GPC5: variants seen among roughly 807,000 people sequenced by gnomAD.
GPC5 encodes glypican-5.
A neutral mutation model predicts 53.9 loss-of-function variants in GPC5; 47 were observed. That is an observed-to-expected ratio of 0.87 (90% CI 0.69 to 1.11). The LOEUF (loss-of-function observed/expected upper bound fraction) is 1.11. Ranked by LOEUF, GPC5 falls within the 50% of genes most tolerant of loss-of-function variation. The pLI is 0.00. For missense variants in GPC5, 748 were observed against 713.1 expected, an observed-to-expected ratio of 1.05 and a Z score of -0.56; for synonymous variants, 286 against 263.3, an observed-to-expected ratio of 1.09 and a Z score of -0.84.
At chr13:91,865,758 A>G (rs576424168) in intron 5 of GPC5, among the ~76,000 whole-genome samples, 6 of 150,124 alleles carry the variant, frequency 4.0e-5, no homozygotes, top group Non-Finnish European at 8.9e-5. Context: ...CTCTCTTCCC[A>G]TTTTTCTTTT....
chr13:92,780,712 T>C (rs1217818579), intron 7 of GPC5, among the ~76,000 whole-genome samples: 1 of 152,076 alleles, frequency 6.6e-6, no homozygotes, highest in Non-Finnish European at 1.5e-5. Flanking sequence ...TATGATTGTC[T>C]TTAAATAACA....
chr13:92,463,569 C>T (rs1353984255), intron 7 of GPC5, among the ~76,000 whole-genome samples: 2 of 151,566 alleles, frequency 1.3e-5, no homozygotes, highest in African/African-American at 4.9e-5. Flanking sequence ...GATCTTTAAA[C>T]TATTTTTGCA....
chr13:91,831,031 C>T (rs1451471882), intron 5 of GPC5, among the ~76,000 whole-genome samples: 2 of 131,944 alleles, frequency 1.5e-5, no homozygotes, highest in Admixed American at 8.4e-5. Flanking sequence ...CATATATATC[C>T]TATTATATAT....
At chr13:91,799,560 A>G (rs1214615407) in intron 5 of GPC5, among the ~76,000 whole-genome samples, 3 of 128,598 alleles carry the variant, frequency 2.3e-5, no homozygotes, top group Non-Finnish European at 4.8e-5. Context: ...TTCTTTGTTT[A>G]TGTCTCTTCC....
At chr13:92,094,520 CAAAAAAAAAAAAAAAA>C (rs71200562) in intron 6 of GPC5, among the ~76,000 whole-genome samples, 1 of 68,224 alleles carries the variant, frequency 1.5e-5, no homozygotes, top group Non-Finnish European at 2.6e-5. Context: ...GACTCCGTCT[CAAAAAAAAAAAAAAAA>C]AAAAAAAAAT....
chr13:92,288,977 T>G (rs559185258), intron 7 of GPC5, among the ~76,000 whole-genome samples: 4 of 152,066 alleles, frequency 2.6e-5, no homozygotes, highest in Admixed American at 2.6e-4. Flanking sequence ...CATTTTTCTG[T>G]ATAGGTTTGT....
At chr13:92,041,024 G>C (rs1215908286) in intron 6 of GPC5, among the ~76,000 whole-genome samples, 3 of 151,714 alleles carry the variant, frequency 2.0e-5, no homozygotes, top group Admixed American at 1.3e-4. Context: ...ATAATTTTTT[G>C]TATTTTTAGG....
Position 92,481,476 on chromosome 13 carries a change from G to A in GPC5, c.1561+336487G>A, listed in dbSNP as rs138913592. ...ATGGGAAACTAACAAACATGTATGC[G>A]CAAAAAGGGGAAAAGAGTTGGGCCA... On this transcript the variant is annotated intron_variant, in intron 7 of 7. Coordinates refer to ENST00000377067, the MANE Select transcript of GPC5 (RefSeq NM_004466.6). Among the ~76,000 whole-genome samples, 1,159 of 152,174 alleles carry A rather than the reference G, an allele frequency of 7.6e-3. 11 individuals are homozygous for A. The highest frequency in any genetic ancestry group is 0.024 in the Middle Eastern group (7 of 294).
chr13:91,822,859 G>A (rs535906332), intron 5 of GPC5, among the ~76,000 whole-genome samples: 1 of 152,206 alleles, frequency 6.6e-6, no homozygotes, highest in South Asian at 2.1e-4. Flanking sequence ...TCTAAGTCTA[G>A]GTAGCTCTCT....
Position 91,659,758 on chromosome 13 carries a change from C to T in GPC5, c.326-33429C>T, listed in dbSNP as rs9523393. On this transcript the variant is annotated intron_variant, in intron 2 of 7. Transcript: ENST00000377067. ...ATTACCACCTGTCCCCCACCGCCTC[C>T]ACCATGATCGCCACCTCCTGGTATT... Among the ~76,000 whole-genome samples the T allele has an allele frequency of 4.7e-3, 720 of 152,318 alleles. 8 individuals carry two copies. The highest frequency in any genetic ancestry group is 0.01 in the Middle Eastern group (3 of 294).
chr13:91,418,712 A>T (rs1389207980), intron 1 of GPC5, among the ~76,000 whole-genome samples: 3 of 152,160 alleles, frequency 2.0e-5, no homozygotes, highest in Non-Finnish European at 4.4e-5. Flanking sequence ...CTTTTAGCAG[A>T]AGTGCCACAA....
intron 7 of GPC5, among the ~76,000 whole-genome samples, chr13:92,512,205 T>C (rs904505388): frequency 8.6e-5 from 13 of 151,678 alleles, no homozygotes; most frequent in African/African-American, 3.1e-4. Flanking sequence ...TGATTGATCC[T>C]AGTAATTTTT....
chr13:91,765,776 T>C (rs1351458799), intron 5 of GPC5, among the ~76,000 whole-genome samples: 1 of 152,240 alleles, frequency 6.6e-6, no homozygotes, highest in East Asian at 1.9e-4. Context: ...ATATGTGATA[T>C]GAGTTTTCAT....
chr13:91,847,657 G>A (rs1310536937), intron 5 of GPC5, among the ~76,000 whole-genome samples: 6 of 152,146 alleles, frequency 3.9e-5, no homozygotes, highest in Admixed American at 3.9e-4. Context: ...GTTAAAATAT[G>A]TATTTAGTAA....
intron 6 of GPC5, among the ~76,000 whole-genome samples, chr13:92,086,816 G>T (rs1323694587): frequency 1.3e-5 from 2 of 152,020 alleles, no homozygotes; most frequent in Non-Finnish European, 2.9e-5. Flanking sequence ...CTGCCAACAT[G>T]CCTGGCTAAT....
intron 2 of GPC5, among the ~76,000 whole-genome samples, chr13:91,510,926 A>G (rs1056258540): frequency 6.6e-6 from 1 of 152,014 alleles, no homozygotes; most frequent in African/African-American, 2.4e-5. Context: ...TTCATTGTGT[A>G]TTATATTTTG....
intron 7 of GPC5, among the ~76,000 whole-genome samples, chr13:92,532,433 A>G (rs1213566373): frequency 6.6e-6 from 1 of 152,220 alleles, no homozygotes; most frequent in African/African-American, 2.4e-5. Flanking sequence ...TCAATGAAAG[A>G]CAAAAGATGA....
intron 7 of GPC5, among the ~76,000 whole-genome samples, chr13:92,419,997 C>A (rs1876490126): frequency 6.6e-6 from 1 of 152,126 alleles, no homozygotes; most frequent in African/African-American, 2.4e-5. Flanking sequence ...TTTGACCTCT[C>A]CACCTAGTTC....
At chr13:91,719,654 A>G (rs2036421882) in intron 3 of GPC5, among the ~76,000 whole-genome samples, 1 of 152,252 alleles carries the variant, frequency 6.6e-6, no homozygotes, top group Non-Finnish European at 1.5e-5. Flanking sequence ...TTGAAAAAGA[A>G]GAATATAAAA....
Sources: gnomAD v4.1 joint callset for allele counts (sites outside exome capture counted in the v4.1 genomes callset) on GRCh38, gnomAD v4.1.1 for gene constraint, MANE v1.5 for transcripts, NCBI Gene and HGNC (gene_info 2026-07-23, HGNC 2026-07-21) for gene names.